CACNG4: variants seen among roughly 807,000 people sequenced by gnomAD.
CACNG4 encodes voltage-dependent calcium channel gamma-4 subunit.
In CACNG4, 8 loss-of-function variants were observed where a neutral mutation model predicts 22.9. That is an observed-to-expected ratio of 0.35 (90% CI 0.21 to 0.63). CACNG4 has a LOEUF of 0.63. Ranked by LOEUF, CACNG4 falls within the 30% of genes least tolerant of loss-of-function variation. The pLI is 0.72. For synonymous variants in CACNG4, 188 were observed against 191.9 expected, an observed-to-expected ratio of 0.98 and a Z score of 0.17; for missense variants, 357 against 455.4, an observed-to-expected ratio of 0.78 and a Z score of 1.97.
rs761113164 is a variant in CACNG4 at position 67,024,945 on chromosome 17, C to T, written c.390C>T (p.Ile130=). ...LGGLCIGAGR[I]YSRKNNIVLS... The stretch of plus-strand genomic sequence containing the variant: ...GCCTGTGCATCGGTGCTGGCAGGAT[C>T]TACAGCCGCAAGAACAACATCGTCC... Residue 130 remains isoleucine (I), a synonymous_variant, in exon 3 of 4, where the codon ATC becomes ATT. Transcript: ENST00000262138. 1.2e-6 allele frequency: 2 copies of T among 1,607,174 alleles called. No individual in the cohort carries two copies. The highest frequency in any genetic ancestry group is 2.3e-5 in the East Asian group (1 of 44,328).
In CACNG4 at chr17:67,030,507, A is replaced by G. The variant is rs764880228; in HGVS notation, c.487A>G (p.Asn163Asp). ...IIGIIVYISS[N>D]TGDPSDKRDE... is the part of the protein sequence containing the mutation. Reference sequence around the variant, plus strand: ...CGGTATCATCGTCTACATTTCCAGCAACACAGGTGACCCGAGTGACAAGCG... The same window carrying G: ...CGGTATCATCGTCTACATTTCCAGCGACACAGGTGACCCGAGTGACAAGCG... The change falls in exon 4 of 4, where the codon AAC (asparagine) becomes GAC (aspartate). Residue 163 changes from asparagine to aspartate, a missense_variant. By Grantham distance (23) the Asn-to-Asp change is conservative. Transcript: ENST00000262138. This position sits in a 1 kb window ranked among gnomAD's most constrained non-coding sequence, Gnocchi z 6.4. The G allele has an allele frequency of 5.0e-6, 8 of 1,613,978 alleles. No individual in the cohort carries two copies. The African/African-American group carries it at 9.3e-5, about 19-fold the overall frequency.
chr17:66,981,447 C>T (rs1323755713), intron 1 of CACNG4, among the ~76,000 whole-genome samples: 1 of 152,096 alleles, frequency 6.6e-6, no homozygotes, highest in East Asian at 1.9e-4. Flanking sequence ...TTGGTCTACC[C>T]ATCTCTGGAG....
chr17:67,022,782 G>A (rs1043482971), intron 2 of CACNG4, among the ~76,000 whole-genome samples: 1 of 152,198 alleles, frequency 6.6e-6, no homozygotes, highest in Admixed American at 6.5e-5. Context: ...GGGAAAGGCC[G>A]AGCTCTGGGC....
intron 1 of CACNG4, among the ~76,000 whole-genome samples, chr17:67,000,969 G>A (rs1022309409): frequency 4.6e-5 from 7 of 152,030 alleles, no homozygotes; most frequent in East Asian, 1.9e-4. Context: ...TGGTTTGGCT[G>A]TGTCCCCACC....
intron 1 of CACNG4, among the ~76,000 whole-genome samples, chr17:66,973,169 G>A (rs1250739812): frequency 6.6e-6 from 1 of 151,916 alleles, no homozygotes; most frequent in Non-Finnish European, 1.5e-5. Context: ...AAACCTGGGA[G>A]GCGGAGGTTG....
chr17:67,023,918 G>T (rs1031527434), intron 2 of CACNG4, among the ~76,000 whole-genome samples: 1 of 152,176 alleles, frequency 6.6e-6, no homozygotes, highest in Non-Finnish European at 1.5e-5. Flanking sequence ...GGTCCTAAGG[G>T]TTAGGACACA....
intron 1 of CACNG4, among the ~76,000 whole-genome samples, chr17:66,966,198 C>T (rs976661807): frequency 1.3e-5 from 2 of 152,024 alleles, no homozygotes; most frequent in Admixed American, 1.3e-4. Flanking sequence ...CCCTTCTGCC[C>T]GGCTGCGGAA....
chr17:66,998,249 G>A (rs2035386871), intron 1 of CACNG4, among the ~76,000 whole-genome samples: 1 of 152,118 alleles, frequency 6.6e-6, no homozygotes, highest in Non-Finnish European at 1.5e-5. Context: ...AAGAGATGGA[G>A]TCTTGCTCTG....
At chr17:66,979,499 T>C (rs2035258187) in intron 1 of CACNG4, among the ~76,000 whole-genome samples, 1 of 152,240 alleles carries the variant, frequency 6.6e-6, no homozygotes, top group African/African-American at 2.4e-5. Context: ...CAGATGTGAC[T>C]GTACCAGTGG....
At chr17:67,015,363 G>A (rs1473084597) in intron 1 of CACNG4, among the ~76,000 whole-genome samples, 8 of 152,098 alleles carry the variant, frequency 5.3e-5, no homozygotes, top group African/African-American at 1.9e-4. Context: ...GGATGCCTTG[G>A]GTCAGGGAGG....
chr17:67,010,266 T>C (rs2143340728), intron 1 of CACNG4, among the ~76,000 whole-genome samples: 1 of 152,316 alleles, frequency 6.6e-6, no homozygotes, highest in Admixed American at 6.5e-5. Flanking sequence ...TGCCTGCTAG[T>C]GAAGGATTAA....
chr17:67,011,883 T>C (rs1293975274), intron 1 of CACNG4, among the ~76,000 whole-genome samples: 1 of 152,100 alleles, frequency 6.6e-6, no homozygotes, highest in African/African-American at 2.4e-5. Flanking sequence ...CTCCCTGGCT[T>C]CCACAGCCCC....
intron 1 of CACNG4, among the ~76,000 whole-genome samples, chr17:66,970,979 C>G (rs771949281): frequency 1.3e-5 from 2 of 152,156 alleles, no homozygotes; most frequent in African/African-American, 2.4e-5. Context: ...ACAGAAGTGC[C>G]GAGTAGGAAG....
chr17:67,029,985 T>TC (rs1040827387), intron 3 of CACNG4, among the ~76,000 whole-genome samples: 5 of 152,312 alleles, frequency 3.3e-5, no homozygotes, highest in Admixed American at 3.3e-4. Flanking sequence ...CCCAGACATC[T>TC]CCCGTAAAGG....
At position 67,031,026 on chromosome 17, in the gene CACNG4, C is replaced by T. The variant is rs771376000; in HGVS notation, c.*22C>T. 1.8e-5 allele frequency: 28 copies of T among 1,595,516 alleles called. No homozygotes were observed. The highest frequency in any genetic ancestry group is 2.3e-5 in the Non-Finnish European group (27 of 1,169,590). ...GTGAGCCGCCTGCCCTTTCTCTCCG[C>T]TCCAGCCTCTCCCCAGAACGGCTCT... On this transcript the variant is annotated 3_prime_UTR_variant, in exon 4 of 4. Coordinates refer to ENST00000262138, the MANE Select transcript of CACNG4 (RefSeq NM_014405.4). The surrounding 1 kb of genome is among the most constrained non-coding windows in gnomAD (Gnocchi z 4.0).
At chr17:67,009,581 T>A (rs1186570785) in intron 1 of CACNG4, among the ~76,000 whole-genome samples, 3 of 152,154 alleles carry the variant, frequency 2.0e-5, no homozygotes, top group Admixed American at 6.5e-5. Flanking sequence ...CAAAATATAG[T>A]GTATCTGTAG....
chr17:66,979,943 A>G (rs111694786), intron 1 of CACNG4, among the ~76,000 whole-genome samples: 1 of 151,884 alleles, frequency 6.6e-6, no homozygotes, highest in South Asian at 2.1e-4. Context: ...TTTAGTAGAG[A>G]TGGGGTTTCA....
intron 1 of CACNG4, among the ~76,000 whole-genome samples, chr17:67,015,848 C>T (rs1567757865): frequency 6.6e-6 from 1 of 152,164 alleles, no homozygotes; most frequent in Non-Finnish European, 1.5e-5. Context: ...GGAGGAACAG[C>T]AAAGAGCTTG....
intron 1 of CACNG4, among the ~76,000 whole-genome samples, chr17:66,994,034 CA>C (rs2035358461): frequency 6.9e-6 from 1 of 144,336 alleles, no homozygotes; most frequent in East Asian, 2.0e-4. Flanking sequence ...AAAAAAAAAA[CA>C]TTTTTTTAAG....
Sources: gnomAD v4.1 joint callset for allele counts (sites outside exome capture counted in the v4.1 genomes callset) on GRCh38, gnomAD v4.1.1 for gene constraint, Gnocchi (gnomAD v3.1) non-coding constraint, MANE v1.5 for transcripts, NCBI Gene and HGNC (gene_info 2026-07-23, HGNC 2026-07-21) for gene names.